Variants in SPTBN1 observed in about 807,000 individuals in gnomAD.
SPTBN1 encodes spectrin beta chain, non-erythrocytic 1.
SPTBN1 carries 32 observed loss-of-function variants against 266.4 expected under a neutral mutation model. The ratio of observed to expected loss-of-function variants is 0.12; its 90% CI spans 0.09 to 0.16. SPTBN1 has a LOEUF of 0.16. SPTBN1 is among the 10% of genes least tolerant of loss of function. The probability of loss-of-function intolerance (pLI) is 1.00; values close to 1 mark genes in which losing one functional copy is unlikely to be tolerated. For missense variants in SPTBN1, 2,296 were observed against 3,067.1 expected (o/e 0.75, Z 5.94); for synonymous variants, 1,336 against 1,162.2 (o/e 1.15, Z -3.04).
intron 2 of SPTBN1, among the ~76,000 whole-genome samples, chr2:54,537,471 A>G (rs1671681093): frequency 6.6e-6 from 1 of 152,222 alleles, no homozygotes; most frequent in African/African-American, 2.4e-5. Context: ...TACAGAACAC[A>G]TCAGCTCCAT....
intron 1 of SPTBN1, among the ~76,000 whole-genome samples, chr2:54,492,081 T>C (rs1668713834): frequency 6.6e-6 from 1 of 152,178 alleles, no homozygotes; most frequent in African/African-American, 2.4e-5. Flanking sequence ...ATACCATAAT[T>C]TAAAAAATAA....
chr2:54,528,761 A>G (rs969129833), intron 2 of SPTBN1: 2 of 152,210 alleles, frequency 1.3e-5, no homozygotes, highest in Non-Finnish European at 2.9e-5. Context: ...AGGTAATTCA[A>G]ACATGTTAAA....
chr2:54,625,025 C>G (rs1678234034), intron 11 of SPTBN1, 63 bp downstream of exon 11: 4 of 1,511,538 alleles, frequency 2.6e-6, no homozygotes, highest in Non-Finnish European at 3.5e-6. Flanking sequence ...CAGACCATCC[C>G]CAGGGGCATA....
intron 2 of SPTBN1, among the ~76,000 whole-genome samples, chr2:54,598,756 G>A (rs912039492): frequency 6.6e-6 from 1 of 152,208 alleles, no homozygotes; most frequent in African/African-American, 2.4e-5. Flanking sequence ...CAGCAGGGAT[G>A]GGAGAAAAGA....
chr2:54,664,878 G>C lies in SPTBN1; in HGVS notation c.6659+187G>C, dbSNP rs1215062614. ...GAGTAGAATGCTGGTTATTCACTGAGAGAAGAAGAGTTGAGTTTGGATGGG... is the reference window on the plus strand; with the variant it reads ...GAGTAGAATGCTGGTTATTCACTGACAGAAGAAGAGTTGAGTTTGGATGGG... On this transcript the variant is annotated intron_variant, in intron 33 of 35. Transcript: ENST00000356805. The surrounding 1 kb of genome is among the most constrained non-coding windows in gnomAD (Gnocchi z 5.6). 3.2e-6 allele frequency: 2 copies of C among 627,654 alleles called. No individual in the cohort carries two copies. The highest frequency in any genetic ancestry group is 5.4e-6 in the Non-Finnish European group (2 of 369,094). The allele number at this position is 627,654 out of a possible 1,614,324, so 38.9% of individuals were successfully genotyped here.
chr2:54,661,022 G>A, intron 32 of SPTBN1: 1 of 985,400 alleles, frequency 1.0e-6, no homozygotes, highest in Non-Finnish European at 1.2e-6. Flanking sequence ...TGCACTTGGT[G>A]GACCGTGCCT....
In SPTBN1 at chr2:54,526,573, C is replaced by G; in HGVS notation, c.148+7C>G. 6.2e-7 allele frequency: 1 copy of G among 1,610,962 alleles called. No individual in the cohort carries two copies. The highest frequency in any genetic ancestry group is 8.5e-7 in the Non-Finnish European group (1 of 1,178,220). On this transcript the variant is annotated splice_region_variant and intron_variant, in intron 2 of 35. Coordinates refer to ENST00000356805, the MANE Select transcript of SPTBN1 (RefSeq NM_003128.3). ...CGCATCAAGGCTCTGGCAGGTGAGT[C>G]CTTCACACCTGTCACAGAGGCCCAG... is the stretch of plus-strand genomic sequence containing the variant.
chr2:54,654,600 T>C (rs1680526825), intron 27 of SPTBN1, among the ~76,000 whole-genome samples: 1 of 152,218 alleles, frequency 6.6e-6, no homozygotes, highest in Admixed American at 6.5e-5. Flanking sequence ...GTTCCCATCC[T>C]GTGTATCTTT....
At position 54,643,010 on chromosome 2, in the gene SPTBN1, C is replaced by T. The variant is rs1248910581; in HGVS notation, c.3886C>T (p.Leu1296Phe). Residue 1296 changes from leucine (L) to phenylalanine (F), a missense_variant, in exon 19 of 36, where the codon CTC becomes TTC. Physicochemically the swap from Leu to Phe is conservative, Grantham distance 22. Coordinates refer to ENST00000356805, the MANE Select transcript of SPTBN1 (RefSeq NM_003128.3). ...ELSLWINEKMLTAQDMSYDEA... is the reference protein window; with the variant it reads ...ELSLWINEKMFTAQDMSYDEA... ...GTCTCTCTGGATCAATGAGAAGATG[C>T]TCACAGCCCAGGACATGTCTTACGA... The T allele has an allele frequency of 6.2e-7, 1 of 1,613,744 alleles. No individual in the cohort carries two copies. Among genetic ancestry groups the T allele is most frequent in the Non-Finnish European group, 8.5e-7 (1 of 1,179,750 alleles).
rs79615885 is a variant in SPTBN1 at position 54,490,079 on chromosome 2, A to T, written c.-48+33561A>T. ...CAGAGAATGGAAAACAAGTTTATGA[A>T]TTTTTTTTTTTTTTTTTGTGAGGCG... On this transcript the variant is annotated intron_variant, in intron 1 of 35. Coordinates refer to ENST00000356805, the MANE Select transcript of SPTBN1 (RefSeq NM_003128.3). 1.8e-4 allele frequency among the ~76,000 whole-genome samples: 25 copies of T among 135,470 alleles called. 2 individuals are homozygous for T. The East Asian group carries it at 2.7e-3, about 15-fold the overall frequency. The allele number at this position is 135,470 out of a possible 152,430, so 88.9% of individuals were successfully genotyped here.
At chr2:54,535,973 T>C (rs1671572690) in intron 2 of SPTBN1, among the ~76,000 whole-genome samples, 1 of 152,172 alleles carries the variant, frequency 6.6e-6, no homozygotes, top group Non-Finnish European at 1.5e-5. Flanking sequence ...TGAGCCAAGA[T>C]TGCGCCATTG....
At position 54,543,849 on chromosome 2, in the gene SPTBN1, T is replaced by C. The variant is rs184497263; in HGVS notation, c.148+17283T>C. ...GATGGGAGTGGGAGATGCATGTTCTTTGGAGGGAGAGAGACATGGTCAGTG... is the reference window on the plus strand; with the variant it reads ...GATGGGAGTGGGAGATGCATGTTCTCTGGAGGGAGAGAGACATGGTCAGTG... On this transcript the variant is annotated intron_variant, in intron 2 of 35. Transcript: ENST00000356805. 1.0e-3 allele frequency among the ~76,000 whole-genome samples: 159 copies of C among 152,152 alleles called. 1 individual carries two copies. Among genetic ancestry groups the C allele is most frequent in the African/African-American group, 3.3e-3 (139 of 41,504 alleles).
intron 17 of SPTBN1, among the ~76,000 whole-genome samples, chr2:54,634,593 C>T (rs1251273628): frequency 6.6e-6 from 1 of 152,056 alleles, no homozygotes; most frequent in Non-Finnish European, 1.5e-5. Flanking sequence ...TGAAACTGAC[C>T]CTAGAGGGTA....
Position 54,645,385 on chromosome 2 carries a change from G to C in SPTBN1, c.4426G>C (p.Glu1476Gln). The change falls in exon 21 of 36, where the codon GAG becomes CAG. Residue 1476 changes from glutamate to glutamine, a missense_variant. Glu to Gln is a conservative substitution (Grantham distance 29, BLOSUM62 2). Transcript: ENST00000356805. The surrounding 1 kb of genome is among the most constrained non-coding windows in gnomAD (Gnocchi z 4.3). ...KFMELLEPLN[E>Q]RKHNLLASKE... Reference sequence around the variant, plus strand: ...CATGGAGTTGCTGGAGCCCTTGAACGAGAGGAAGCATAACCTGCTGGCCTC... The same window carrying C: ...CATGGAGTTGCTGGAGCCCTTGAACCAGAGGAAGCATAACCTGCTGGCCTC... 6.2e-7 allele frequency: 1 copy of C among 1,614,196 alleles called. No homozygotes were observed. The highest frequency in any genetic ancestry group is 1.3e-5 in the African/African-American group (1 of 75,050).
At chr2:54,663,410 G>A (rs1164058142) in intron 32 of SPTBN1, 3 of 152,268 alleles carry the variant, frequency 2.0e-5, no homozygotes, top group African/African-American at 7.2e-5. Flanking sequence ...CACCCTGGGT[G>A]TATCAGCCAG....
At chr2:54,563,899 G>A (rs1048830901) in intron 2 of SPTBN1, among the ~76,000 whole-genome samples, 8 of 152,052 alleles carry the variant, frequency 5.3e-5, no homozygotes, top group Admixed American at 2.0e-4. Flanking sequence ...AGCTATTCTC[G>A]AACTTTTTGT....
At chr2:54,509,185 T>A (rs895584939) in intron 1 of SPTBN1, among the ~76,000 whole-genome samples, 8 of 151,742 alleles carry the variant, frequency 5.3e-5, no homozygotes, top group South Asian at 2.1e-4. Context: ...GTGATCAGGG[T>A]GAGGAACAGG....
chr2:54,619,539 A>G lies in SPTBN1; in HGVS notation c.763+1346A>G, dbSNP rs188651188. On this transcript the variant is annotated intron_variant, in intron 7 of 35. Coordinates refer to ENST00000356805, the MANE Select transcript of SPTBN1 (RefSeq NM_003128.3). ...CACAAGACGAGGAGCTAAAAATGGC[A>G]GCTGATTTCACTTTTATCCTGTGGG... 5.2e-4 allele frequency among the ~76,000 whole-genome samples: 79 copies of G among 152,342 alleles called. 1 individual carries two copies. The South Asian group carries it at 0.015, about 30-fold the overall frequency.
chr2:54,458,536 T>C (rs1693191514), intron 1 of SPTBN1, among the ~76,000 whole-genome samples: 2 of 152,210 alleles, frequency 1.3e-5, no homozygotes, highest in Admixed American at 1.3e-4. Context: ...TGTGTTTGTT[T>C]ATATGTATTT....
Sources: allele counts gnomAD v4.1 joint callset (sites outside exome capture counted in the v4.1 genomes callset), GRCh38; gene constraint gnomAD v4.1.1; non-coding constraint Gnocchi (gnomAD v3.1); transcripts MANE v1.5; gene names NCBI Gene and HGNC (gene_info 2026-07-23, HGNC 2026-07-21).